RNF168: variants seen among roughly 807,000 people sequenced by gnomAD.
The protein encoded by RNF168 is ring finger protein 168, also known as E3 ubiquitin-protein ligase RNF168.
A neutral mutation model predicts 34.9 loss-of-function variants in RNF168; 34 were observed. The ratio of observed to expected loss-of-function variants is 0.97; its 90% CI spans 0.74 to 1.30. RNF168 has a LOEUF of 1.30. Ranked by LOEUF, RNF168 falls within the 50% of genes most tolerant of loss-of-function variation. The pLI is 0.00. For synonymous variants in RNF168, 264 were observed against 254.7 expected (o/e 1.04, Z -0.35); for missense variants, 725 against 682.5 (o/e 1.06, Z -0.69).
chr3:196,480,261 T>C (rs965026912), intron 4 of RNF168, among the ~76,000 whole-genome samples: 2 of 152,230 alleles, frequency 1.3e-5, no homozygotes, highest in African/African-American at 4.8e-5. Context: ...AATGTGTTAT[T>C]CTTCTAAAAA....
At chr3:196,496,404 C>T (rs1356435433) in intron 1 of RNF168, among the ~76,000 whole-genome samples, 3 of 152,132 alleles carry the variant, frequency 2.0e-5, no homozygotes, top group Non-Finnish European at 2.9e-5. Context: ...CCTCCAGCCT[C>T]ACGTGGTACT....
chr3:196,497,311 T>A (rs2108654511), intron 1 of RNF168, among the ~76,000 whole-genome samples: 1 of 152,282 alleles, frequency 6.6e-6, no homozygotes, highest in African/African-American at 2.4e-5. Context: ...GGGAAAAAGT[T>A]AACCTCAACC....
At position 196,503,130 on chromosome 3, in the gene RNF168, T is replaced by A; in HGVS notation, c.44A>T (p.Gln15Leu). Residue 15 changes from glutamine (Q) to leucine (L), a missense_variant, in exon 1 of 6, where the codon CAG (glutamine) becomes CTG (leucine). Gln to Leu is a moderately radical substitution (Grantham distance 113, BLOSUM62 -2). Coordinates refer to ENST00000318037, the MANE Select transcript of RNF168 (RefSeq NM_152617.4). ...GAGGATTTCCATGCAGATCCCGCAC[T>A]GGCACTCGGACAGCGAGGGGATGGC... Reference protein sequence around the residue: ...KDAIPSLSECQCGICMEILVE... With the variant: ...KDAIPSLSECLCGICMEILVE... 1 of 1,614,126 alleles carries A rather than the reference T, an allele frequency of 6.2e-7. No homozygotes were observed. The highest frequency in any genetic ancestry group is 8.5e-7 in the Non-Finnish European group (1 of 1,179,996).
At chr3:196,472,834 T>C in intron 5 of RNF168, 62 bp from the exon 6 acceptor site, 2 of 953,436 alleles carry the variant, frequency 2.1e-6, no homozygotes, top group East Asian at 4.8e-5. Flanking sequence ...AAGATGTAAG[T>C]CTAATTACAC....
At position 196,503,211 on chromosome 3, in the gene RNF168, T is replaced by C. The variant is rs770766580; in HGVS notation, c.-38A>G. 3.8e-6 allele frequency: 6 copies of C among 1,583,210 alleles called. No homozygotes were observed. In the South Asian group the frequency reaches 5.5e-5, roughly 15 times the overall value. On this transcript the variant is annotated 5_prime_UTR_variant, in exon 1 of 6. Coordinates refer to ENST00000318037, the MANE Select transcript of RNF168 (RefSeq NM_152617.4). ...GTAAAGCCGACTAAACAACGACACC[T>C]GCACGAAAAAGAATCCTATTTTCGG...
chr3:196,475,501 A>C, intron 4 of RNF168, 189 bp from the exon 5 acceptor site: 1 of 557,878 alleles, frequency 1.8e-6, no homozygotes, highest in Non-Finnish European at 3.2e-6. Context: ...GAGTATTGAT[A>C]TTTTAGTGAA....
At chr3:196,477,048 A>C (rs149127406) in intron 4 of RNF168, among the ~76,000 whole-genome samples, 1,563 of 152,326 alleles carry the variant, frequency 0.01, 14 homozygotes, top group Non-Finnish European at 0.016. Flanking sequence ...GCACCTGGTC[A>C]TATCTTTACA....
At chr3:196,481,265 G>A (rs556083191) in intron 4 of RNF168, among the ~76,000 whole-genome samples, 6 of 152,120 alleles carry the variant, frequency 3.9e-5, no homozygotes, top group African/African-American at 9.6e-5. Flanking sequence ...CCACCCTTGC[G>A]TATTCCTGAC....
At chr3:196,481,028 T>C (rs116488250) in intron 4 of RNF168, among the ~76,000 whole-genome samples, 25 of 152,344 alleles carry the variant, frequency 1.6e-4, no homozygotes, top group African/African-American at 4.1e-4. Context: ...CATTTTACAA[T>C]TGACTTTTTG....
intron 1 of RNF168, among the ~76,000 whole-genome samples, chr3:196,491,205 C>T (rs989979186): frequency 9.9e-5 from 15 of 152,066 alleles, no homozygotes; most frequent in African/African-American, 3.6e-4. Flanking sequence ...CTCAGCTACT[C>T]GGGAGGCTGA....
chr3:196,494,527 C>A (rs1034012031), intron 1 of RNF168, among the ~76,000 whole-genome samples: 2 of 152,154 alleles, frequency 1.3e-5, no homozygotes, highest in African/African-American at 4.8e-5. Flanking sequence ...AAACTGCCCT[C>A]CCATCACTGA....
intron 1 of RNF168, among the ~76,000 whole-genome samples, chr3:196,497,700 A>G (rs80215749): frequency 4.0e-5 from 6 of 151,430 alleles, no homozygotes; most frequent in Non-Finnish European, 7.4e-5. Flanking sequence ...AATCTTTTAG[A>G]AAAAAAAATA....
At chr3:196,498,767 G>A (rs1414596964) in intron 1 of RNF168, among the ~76,000 whole-genome samples, 1 of 152,138 alleles carries the variant, frequency 6.6e-6, no homozygotes, top group African/African-American at 2.4e-5. Context: ...GGCCGAGGCG[G>A]GTGGATCACC....
intron 4 of RNF168, among the ~76,000 whole-genome samples, chr3:196,475,793 G>T (rs527935470): frequency 6.6e-6 from 1 of 150,732 alleles, no homozygotes. Flanking sequence ...CTCGTGATCC[G>T]CCTGCCTTGG....
intron 1 of RNF168, among the ~76,000 whole-genome samples, chr3:196,492,895 G>A (rs1002088902): frequency 6.6e-6 from 1 of 152,120 alleles, no homozygotes; most frequent in African/African-American, 2.4e-5. Flanking sequence ...CTACCAAGTA[G>A]TGTGGCTATT....
At chr3:196,479,342 T>C (rs752512097) in intron 4 of RNF168, among the ~76,000 whole-genome samples, 4 of 151,480 alleles carry the variant, frequency 2.6e-5, no homozygotes, top group Admixed American at 1.3e-4. Flanking sequence ...GGTCTTGCTG[T>C]CACCAAGGCT....
At position 196,491,896 on chromosome 3, in the gene RNF168, T is replaced by C. The variant is rs141152124; in HGVS notation, c.302-3213A>G. On this transcript the variant is annotated intron_variant, in intron 1 of 5. Transcript: ENST00000318037. The stretch of plus-strand genomic sequence containing the variant: ...CAGCCAGTCACCAAAGGACAGACAC[T>C]GTGTGGGGTTCCACTCGTACGAGAC... Among the ~76,000 whole-genome samples the C allele has an allele frequency of 4.6e-5, 7 of 152,252 alleles. 1 individual carries two copies. The highest frequency in any genetic ancestry group is 1.7e-4 in the African/African-American group (7 of 41,544).
intron 4 of RNF168, among the ~76,000 whole-genome samples, chr3:196,477,847 G>C (rs1467568854): frequency 6.6e-6 from 1 of 152,210 alleles, no homozygotes; most frequent in Non-Finnish European, 1.5e-5. Context: ...ACTTTGGGAG[G>C]CTGAGGTGGG....
At chr3:196,495,494 GAC>G (rs1267445349) in intron 1 of RNF168, among the ~76,000 whole-genome samples, 1 of 152,120 alleles carries the variant, frequency 6.6e-6, no homozygotes, top group African/African-American at 2.4e-5. Flanking sequence ...TTGCCTTCAT[GAC>G]ACTGACATTT....
Sources: allele counts gnomAD v4.1 joint callset (sites outside exome capture counted in the v4.1 genomes callset), GRCh38; gene constraint gnomAD v4.1.1; transcripts MANE v1.5; gene names NCBI Gene and HGNC (gene_info 2026-07-23, HGNC 2026-07-21).